The following GPC6 variants were observed in gnomAD, a reference collection of about 807,000 sequenced individuals.
The protein encoded by GPC6 is glypican-6.
Under a neutral mutation model 55.2 loss-of-function variants are expected in GPC6, and 14 were observed. That is an observed-to-expected ratio of 0.25 (90% CI 0.17 to 0.40). GPC6 has a LOEUF of 0.40. Among genes scored for constraint, GPC6 ranks in the 10% least tolerant of loss-of-function variants. The pLI, the probability that GPC6 is intolerant of heterozygous loss-of-function variation, is 1.00. For missense variants in GPC6, 641 were observed against 708.5 expected (o/e 0.90, Z 1.08); for synonymous variants, 278 against 259.6 (o/e 1.07, Z -0.68).
intron 3 of GPC6, among the ~76,000 whole-genome samples, chr13:93,888,416 A>G (rs1196474563): frequency 1.3e-5 from 2 of 152,198 alleles, no homozygotes; most frequent in Non-Finnish European, 1.5e-5. Context: ...CTTAGGTGAA[A>G]GAGTTTCCCT....
rs1880939856 is a variant in GPC6, at chr13:93,510,973, G to GTA, written c.161-34280_161-34279dup. On this transcript the variant is annotated intron_variant, in intron 1 of 8. Transcript: ENST00000377047. The stretch of plus-strand genomic sequence containing the variant: ...GAAATATATATATATATATATATGT[G>GTA]TATATATATATGTGTATATATATAT... 6.6e-5 allele frequency among the ~76,000 whole-genome samples: 4 copies of GTA among 60,906 alleles called. 1 individual carries two copies. Among genetic ancestry groups the GTA allele is most frequent in the Non-Finnish European group, 9.9e-5 (3 of 30,232 alleles). 40.0% of individuals were successfully genotyped at this position (60,906 alleles called of 152,430 possible). A position where few individuals can be genotyped will look rare whatever the true frequency, so the allele number is the denominator to read the frequency against.
chr13:93,843,552 G>A (rs1318039758), intron 3 of GPC6, among the ~76,000 whole-genome samples: 1 of 152,110 alleles, frequency 6.6e-6, no homozygotes. Flanking sequence ...GGTGGACCTT[G>A]GTCCAAACTG....
intron 3 of GPC6, among the ~76,000 whole-genome samples, chr13:94,017,699 GAC>G (rs1882522414): frequency 6.6e-6 from 1 of 151,570 alleles, no homozygotes; most frequent in Non-Finnish European, 1.5e-5. Flanking sequence ...TATTTTTTGA[GAC>G]AGAGTCTCAC....
chr13:94,023,324 G>A (rs1882772643), intron 3 of GPC6, among the ~76,000 whole-genome samples: 1 of 150,484 alleles, frequency 6.6e-6, no homozygotes, highest in South Asian at 2.1e-4. Flanking sequence ...TTTAATGTTG[G>A]ATGTTTTACA....
intron 2 of GPC6, among the ~76,000 whole-genome samples, chr13:93,583,342 G>A (rs1431127870): frequency 6.6e-6 from 1 of 151,058 alleles, no homozygotes; most frequent in Non-Finnish European, 1.5e-5. Context: ...TGCACATTGT[G>A]TGTGTGTGTG....
intron 4 of GPC6, among the ~76,000 whole-genome samples, chr13:94,210,551 A>G (rs1030900996): frequency 6.6e-6 from 1 of 152,230 alleles, no homozygotes; most frequent in African/African-American, 2.4e-5. Flanking sequence ...AGAATATGTC[A>G]TATATACATG....
At chr13:93,573,683 G>GCCAGATGC (rs1209569832) in intron 2 of GPC6, among the ~76,000 whole-genome samples, 1 of 152,128 alleles carries the variant, frequency 6.6e-6, no homozygotes. Context: ...AAATTTTAGA[G>GCCAGATGC]CCAGATGCCT....
At chr13:93,484,255 G>A (rs931029076) in intron 1 of GPC6, among the ~76,000 whole-genome samples, 8 of 151,958 alleles carry the variant, frequency 5.3e-5, no homozygotes, top group African/African-American at 1.9e-4. Flanking sequence ...TTTTCTGTAG[G>A]ATATTTTTAT....
chr13:93,976,819 T>C (rs1160902623), intron 3 of GPC6, among the ~76,000 whole-genome samples: 1 of 151,826 alleles, frequency 6.6e-6, no homozygotes, highest in Non-Finnish European at 1.5e-5. Context: ...CCCAAGAGGT[T>C]ATTTGTCAGC....
intron 1 of GPC6, among the ~76,000 whole-genome samples, chr13:93,275,906 G>C (rs1051059901): frequency 2.0e-5 from 3 of 152,110 alleles, no homozygotes; most frequent in African/African-American, 7.2e-5. Flanking sequence ...CAAGAGTCTG[G>C]CTCTGTCGCC....
intron 1 of GPC6, among the ~76,000 whole-genome samples, chr13:93,353,704 G>T (rs1470295534): frequency 1.3e-5 from 2 of 152,072 alleles, no homozygotes. Flanking sequence ...TGGGTCATCT[G>T]TTTTTTTGCT....
chr13:94,280,181 T>G (rs1892334527), intron 4 of GPC6, among the ~76,000 whole-genome samples: 1 of 152,220 alleles, frequency 6.6e-6, no homozygotes, highest in Non-Finnish European at 1.5e-5. Context: ...AATTGATCCC[T>G]TTACCATTAT....
chr13:93,329,071 G>A (rs2139133812), intron 1 of GPC6, among the ~76,000 whole-genome samples: 1 of 152,238 alleles, frequency 6.6e-6, no homozygotes, highest in South Asian at 2.1e-4. Context: ...AAAATCATCT[G>A]TAAAATTTCC....
At chr13:93,739,594 T>G (rs1227738678) in intron 2 of GPC6, among the ~76,000 whole-genome samples, 3 of 152,094 alleles carry the variant, frequency 2.0e-5, no homozygotes, top group Non-Finnish European at 4.4e-5. Context: ...CATGCCTGGC[T>G]AATTTTTTGT....
At position 93,830,705 on chromosome 13, in the gene GPC6, G is replaced by T. The variant is rs1053377672; in HGVS notation, c.711+160G>T. ...AGTTAAATATCAAAGCATAATTCTG[G>T]CTTTCTTTTCCTTGCATTGTGTGAG... On this transcript the variant is annotated intron_variant, in intron 3 of 8. Transcript: ENST00000377047. 3.0e-5 allele frequency: 20 copies of T among 676,394 alleles called. No individual in the cohort carries two copies. In the African/African-American group the frequency reaches 3.5e-4, roughly 12 times the overall value. The allele number at this position is 676,394 out of a possible 1,614,324, so 41.9% of individuals were successfully genotyped here. A position where few individuals can be genotyped will look rare whatever the true frequency, so the allele number is the denominator to read the frequency against.
chr13:94,097,653 G>A (rs1020333801), intron 4 of GPC6, among the ~76,000 whole-genome samples: 5 of 152,070 alleles, frequency 3.3e-5, no homozygotes, highest in Admixed American at 3.3e-4. Flanking sequence ...AAATAGTTAA[G>A]ATGGTAAATT....
At chr13:94,158,690 TG>T (rs1246563338) in intron 4 of GPC6, among the ~76,000 whole-genome samples, 2 of 151,922 alleles carry the variant, frequency 1.3e-5, no homozygotes, top group East Asian at 3.9e-4. Context: ...AGATAAACTC[TG>T]TAAGTGGTAA....
At chr13:93,886,971 A>C (rs1875378901) in intron 3 of GPC6, among the ~76,000 whole-genome samples, 1 of 152,016 alleles carries the variant, frequency 6.6e-6, no homozygotes, top group African/African-American at 2.4e-5. Flanking sequence ...CACATGGTAC[A>C]TGCATTATTC....
chr13:94,334,438 G>C (rs542343768), intron 6 of GPC6, among the ~76,000 whole-genome samples: 1 of 152,188 alleles, frequency 6.6e-6, no homozygotes, highest in Non-Finnish European at 1.5e-5. Context: ...TAGAGTGCAG[G>C]TATCAATATA....
Sources: allele counts gnomAD v4.1 joint callset (sites outside exome capture counted in the v4.1 genomes callset), GRCh38; gene constraint gnomAD v4.1.1; transcripts MANE v1.5; gene names NCBI Gene and HGNC (gene_info 2026-07-23, HGNC 2026-07-21).